Variants in RSU1 observed in about 807,000 individuals in gnomAD.
The protein encoded by RSU1 is Ras suppressor protein 1, also known as rsu-1.
Under a neutral mutation model 31.1 loss-of-function variants are expected in RSU1, and 26 were observed. That is an observed-to-expected ratio of 0.84 (90% CI 0.61 to 1.16). RSU1 has a LOEUF of 1.16. Ranked by LOEUF, RSU1 falls within the 50% of genes most tolerant of loss-of-function variation. The probability of loss-of-function intolerance (pLI) is 0.00; values close to 1 mark genes in which losing one functional copy is unlikely to be tolerated. For missense variants in RSU1, 320 were observed against 339.1 expected, an observed-to-expected ratio of 0.94 and a Z score of 0.44; for synonymous variants, 164 against 136.3, an observed-to-expected ratio of 1.20 and a Z score of -1.41.
chr10:16,715,136 G>C (rs984315707), intron 7 of RSU1, among the ~76,000 whole-genome samples: 1 of 152,186 alleles, frequency 6.6e-6, no homozygotes, highest in African/African-American at 2.4e-5. Flanking sequence ...CCCTAGTGCG[G>C]TCCAGCATAC....
chr10:16,792,266 T>C (rs1356921861), intron 2 of RSU1, among the ~76,000 whole-genome samples: 1 of 152,214 alleles, frequency 6.6e-6, no homozygotes, highest in Non-Finnish European at 1.5e-5. Flanking sequence ...AAACAGAGTC[T>C]CACTGTCGCA....
At chr10:16,751,309 T>TA (rs1230458402) in intron 7 of RSU1, among the ~76,000 whole-genome samples, 3 of 152,186 alleles carry the variant, frequency 2.0e-5, no homozygotes, top group Non-Finnish European at 2.9e-5. Flanking sequence ...CCTCAGCCCT[T>TA]AAAAAATCAT....
At chr10:16,711,148 T>C (rs1396078134) in intron 7 of RSU1, among the ~76,000 whole-genome samples, 1 of 152,190 alleles carries the variant, frequency 6.6e-6, no homozygotes, top group Non-Finnish European at 1.5e-5. Flanking sequence ...GTAGTTTGTA[T>C]ATGTCCAAGA....
At chr10:16,649,457 G>A (rs1005872744) in intron 8 of RSU1, among the ~76,000 whole-genome samples, 18 of 152,092 alleles carry the variant, frequency 1.2e-4, no homozygotes, top group Non-Finnish European at 1.9e-4. Context: ...AGAGGTACTC[G>A]AAATCAGACT....
chr10:16,610,981 T>A (rs1217720527), intron 8 of RSU1, among the ~76,000 whole-genome samples: 1 of 152,206 alleles, frequency 6.6e-6, no homozygotes, highest in Non-Finnish European at 1.5e-5. Context: ...GAATAACTCC[T>A]GAAGCCCGTA....
chr10:16,645,633 C>A (rs974711614), intron 8 of RSU1, among the ~76,000 whole-genome samples: 4 of 151,500 alleles, frequency 2.6e-5, no homozygotes, highest in Admixed American at 2.6e-4. Context: ...CATGGCAAAA[C>A]CTCATCTCTA....
At chr10:16,621,390 T>C (rs1006189969) in intron 8 of RSU1, among the ~76,000 whole-genome samples, 3 of 152,216 alleles carry the variant, frequency 2.0e-5, no homozygotes, top group African/African-American at 7.2e-5. Flanking sequence ...CTGTTTCCCG[T>C]ACCCAGCCTC....
chr10:16,592,949 T>C lies in RSU1; in HGVS notation c.*445A>G, dbSNP rs919750984. ...GATTTTATTAAAATCATTTGTAAGTTAAATTAGCATATCTCGGTGGTGAAG... is the reference window on the plus strand; with the variant it reads ...GATTTTATTAAAATCATTTGTAAGTCAAATTAGCATATCTCGGTGGTGAAG... On this transcript the variant is annotated 3_prime_UTR_variant, in exon 9 of 9. Coordinates refer to ENST00000345264, the MANE Select transcript of RSU1 (RefSeq NM_012425.4). The C allele has an allele frequency of 1.3e-5, 2 of 153,804 alleles. No homozygotes were observed. Among genetic ancestry groups the C allele is most frequent in the Admixed American group, 6.4e-5 (1 of 15,520 alleles). The allele number at this position is 153,804 out of a possible 1,614,324, so 9.5% of individuals were successfully genotyped here.
chr10:16,691,437 C>G (rs1835547599), intron 8 of RSU1, among the ~76,000 whole-genome samples: 1 of 148,106 alleles, frequency 6.8e-6, no homozygotes, highest in Non-Finnish European at 1.5e-5. Context: ...AGCTAACAGT[C>G]CATATTTTGG....
chr10:16,766,232 A>G (rs1837312030), intron 3 of RSU1, among the ~76,000 whole-genome samples: 2 of 152,232 alleles, frequency 1.3e-5, no homozygotes, highest in Admixed American at 1.3e-4. Flanking sequence ...TGATAAAAGA[A>G]CAAGTTTTCA....
chr10:16,771,423 T>C (rs1837422474), intron 3 of RSU1, among the ~76,000 whole-genome samples: 1 of 152,226 alleles, frequency 6.6e-6, no homozygotes, highest in Admixed American at 6.5e-5. Context: ...TTTTAATCTC[T>C]AGCTGTAATA....
intron 2 of RSU1, among the ~76,000 whole-genome samples, chr10:16,796,315 A>T (rs1454600999): frequency 6.6e-6 from 1 of 152,160 alleles, no homozygotes; most frequent in East Asian, 1.9e-4. Flanking sequence ...TCAGCCCCTA[A>T]GTCAAACTTA....
chr10:16,644,632 A>C (rs762145734), intron 8 of RSU1, among the ~76,000 whole-genome samples: 2 of 152,208 alleles, frequency 1.3e-5, no homozygotes, highest in African/African-American at 4.8e-5. Context: ...GACCTGTGGC[A>C]TTAACTGCCA....
chr10:16,656,519 T>C (rs1834781971), intron 8 of RSU1, among the ~76,000 whole-genome samples: 2 of 152,208 alleles, frequency 1.3e-5, no homozygotes, highest in Admixed American at 1.3e-4. Flanking sequence ...AGCTAAAGAA[T>C]TCTATTTTAT....
intron 4 of RSU1, among the ~76,000 whole-genome samples, chr10:16,756,637 A>C (rs1344552727): frequency 1.3e-5 from 2 of 152,240 alleles, no homozygotes; most frequent in Non-Finnish European, 2.9e-5. Flanking sequence ...TGTAACATAC[A>C]AAATATGTGT....
intron 2 of RSU1, among the ~76,000 whole-genome samples, chr10:16,803,329 C>T (rs1838197514): frequency 2.0e-5 from 3 of 152,162 alleles, no homozygotes; most frequent in Non-Finnish European, 4.4e-5. Context: ...ATGAGAAAAG[C>T]TTCAAAGCTA....
intron 8 of RSU1, among the ~76,000 whole-genome samples, chr10:16,626,080 C>T (rs767719675): frequency 7.9e-5 from 12 of 151,810 alleles, no homozygotes; most frequent in South Asian, 2.1e-4. Flanking sequence ...GGTCTCACTC[C>T]GTTGCCCAGG....
chr10:16,714,616 G>A (rs1393288083), intron 7 of RSU1, among the ~76,000 whole-genome samples: 1 of 152,112 alleles, frequency 6.6e-6, no homozygotes, highest in African/African-American at 2.4e-5. Flanking sequence ...GTGGGGGGAT[G>A]TGGTGTGTCA....
At chr10:16,614,107 G>A (rs568810849) in intron 8 of RSU1, among the ~76,000 whole-genome samples, 3 of 152,156 alleles carry the variant, frequency 2.0e-5, no homozygotes, top group Non-Finnish European at 4.4e-5. Flanking sequence ...TTAGGAACAA[G>A]AAGTACAAAG....
Sources: gnomAD v4.1 joint callset for allele counts (sites outside exome capture counted in the v4.1 genomes callset) on GRCh38, gnomAD v4.1.1 for gene constraint, MANE v1.5 for transcripts, NCBI Gene and HGNC (gene_info 2026-07-23, HGNC 2026-07-21) for gene names.